Variants in CACNB2 observed in about 807,000 individuals in gnomAD.
CACNB2 encodes voltage-dependent L-type calcium channel subunit beta-2.
In CACNB2, 42 loss-of-function variants were observed where a neutral mutation model predicts 73.3. The observed-to-expected ratio is 0.57, with a 90% CI of 0.45 to 0.74. The LOEUF (loss-of-function observed/expected upper bound fraction) is 0.74. CACNB2 is among the 30% of genes least tolerant of loss of function. CACNB2 has a pLI of 0.00. For missense variants in CACNB2, 940 were observed against 853.0 expected, an observed-to-expected ratio of 1.10 and a Z score of -1.27; for synonymous variants, 348 against 310.3, an observed-to-expected ratio of 1.12 and a Z score of -1.28.
intron 1 of CACNB2, chr10:18,141,231 CGGGAGGGG>C: frequency 3.6e-6 from 1 of 274,262 alleles, no homozygotes; most frequent in Non-Finnish European, 7.3e-6. Flanking sequence ...TCCGGGTGGG[CGGGAGGGG>C]GCCCGCTTCC....
rs554156329 is a variant in CACNB2 at position 18,517,276 on chromosome 10, C to G, written c.805-1060C>G. On this transcript the variant is annotated intron_variant, in intron 7 of 13. Coordinates refer to ENST00000324631, the MANE Select transcript of CACNB2 (RefSeq NM_201596.3). The stretch of plus-strand genomic sequence containing the variant: ...TATCGCAGTGTCTAAGGCCATATCA[C>G]TCTTATGCATTTTTTTAAAAAGTCA... Among the ~76,000 whole-genome samples the G allele has an allele frequency of 7.9e-5, 12 of 152,294 alleles. No homozygotes were observed. In the South Asian group the frequency reaches 2.5e-3, roughly 32 times the overall value.
At chr10:18,510,345 C>G (rs2133096807) in intron 6 of CACNB2, among the ~76,000 whole-genome samples, 1 of 152,252 alleles carries the variant, frequency 6.6e-6, no homozygotes, top group Non-Finnish European at 1.5e-5. Flanking sequence ...CACTGTCACC[C>G]AGGCTGGAGT....
In CACNB2 at chr10:18,534,095, C is replaced by T. The variant is rs770240868; in HGVS notation, c.1074C>T (p.Ile358=). The part of the protein sequence containing the change: ...RSSLAEVQSE[I]ERIFELARTL... ...TTACAGCGGAAGTTCAGAGTGAAATCGAAAGGATTTTTGAACTTGCAAGAA... is the reference window on the plus strand; with the variant it reads ...TTACAGCGGAAGTTCAGAGTGAAATTGAAAGGATTTTTGAACTTGCAAGAA... The change falls in exon 11 of 14, where the codon ATC becomes ATT. Residue 358 remains isoleucine (I), a synonymous_variant. Coordinates refer to ENST00000324631, the MANE Select transcript of CACNB2 (RefSeq NM_201596.3). 9.9e-6 allele frequency: 16 copies of T among 1,613,894 alleles called. No homozygotes were observed. Among genetic ancestry groups the T allele is most frequent in the East Asian group, 4.5e-5 (2 of 44,868 alleles).
At chr10:18,320,675 C>T (rs117067763) in intron 2 of CACNB2, among the ~76,000 whole-genome samples, 1 of 152,052 alleles carries the variant, frequency 6.6e-6, no homozygotes, top group Non-Finnish European at 1.5e-5. Flanking sequence ...TTGTATGTAA[C>T]CCACAGGGTT....
intron 2 of CACNB2, among the ~76,000 whole-genome samples, chr10:18,338,938 C>T (rs560410829): frequency 6.6e-6 from 1 of 151,936 alleles, no homozygotes; most frequent in South Asian, 2.1e-4. Context: ...CGGGGTCTTC[C>T]TTTGTTGCCC....
intron 2 of CACNB2, among the ~76,000 whole-genome samples, chr10:18,379,424 G>A (rs150968921): frequency 2.6e-5 from 4 of 152,218 alleles, no homozygotes; most frequent in Non-Finnish European, 4.4e-5. Context: ...ATGTTGACCA[G>A]GCTGGTCTCG....
At chr10:18,231,075 C>G (rs1304271909) in intron 2 of CACNB2, among the ~76,000 whole-genome samples, 2 of 152,198 alleles carry the variant, frequency 1.3e-5, no homozygotes, top group Non-Finnish European at 2.9e-5. Context: ...AGAAGTAGCC[C>G]TGGCTAGGAA....
At chr10:18,266,900 A>G (rs1294848824) in intron 2 of CACNB2, among the ~76,000 whole-genome samples, 1 of 152,196 alleles carries the variant, frequency 6.6e-6, no homozygotes, top group Non-Finnish European at 1.5e-5. Context: ...AAATAAATAA[A>G]TAAGTATGAG....
At chr10:18,280,148 A>G (rs895372783) in intron 2 of CACNB2, among the ~76,000 whole-genome samples, 2 of 152,182 alleles carry the variant, frequency 1.3e-5, no homozygotes, top group African/African-American at 4.8e-5. Flanking sequence ...TCAAAGTAGA[A>G]TAAGTTCTAC....
In CACNB2 at chr10:18,464,742, G is replaced by A. The variant is rs78051492; in HGVS notation, c.334-33613G>A. Among the ~76,000 whole-genome samples the A allele has an allele frequency of 4.7e-4, 72 of 152,244 alleles. No individual in the cohort carries two copies. In the East Asian group the frequency reaches 0.013, roughly 28 times the overall value. ...GCTTCTGCTCTTATTCCTTTCCAAC[G>A]TGTTCAAAAAGTTAAACTGGAGAAA... On this transcript the variant is annotated intron_variant, in intron 3 of 13. Transcript: ENST00000324631.
intron 2 of CACNB2, among the ~76,000 whole-genome samples, chr10:18,153,662 A>C (rs1004816289): frequency 6.7e-6 from 1 of 149,718 alleles, no homozygotes; most frequent in African/African-American, 2.5e-5. Context: ...GCTCACTACA[A>C]CCTCTGCCTC....
intron 3 of CACNB2, among the ~76,000 whole-genome samples, chr10:18,493,205 G>C (rs1462074444): frequency 6.6e-6 from 1 of 152,198 alleles, no homozygotes; most frequent in Non-Finnish European, 1.5e-5. Flanking sequence ...GTCTCGCTCT[G>C]TTGCCCAGGC....
At position 18,216,763 on chromosome 10, in the gene CACNB2, A is replaced by G. The variant is rs2035528608; in HGVS notation, c.213+65788A>G. Among the ~76,000 whole-genome samples, 3 of 152,206 alleles carry G rather than the reference A, an allele frequency of 2.0e-5. No individual in the cohort carries two copies. The South Asian group carries it at 6.2e-4, about 32-fold the overall frequency. On this transcript the variant is annotated intron_variant, in intron 2 of 13. Transcript: ENST00000324631. ...AAAATCCATTATGTGAAATTCAGCT[A>G]TTCCTTAATCTCTCCAAATTCCAAA...
chr10:18,394,727 C>G (rs2043638637), intron 2 of CACNB2, among the ~76,000 whole-genome samples: 1 of 152,080 alleles, frequency 6.6e-6, no homozygotes. Context: ...CAGCACAGTA[C>G]CTGACACAGT....
At position 18,540,991 on chromosome 10, in the gene CACNB2, TGTGA is replaced by T. The variant is rs2054040940; in HGVS notation, c.*1271_*1274del. 1 of 152,666 alleles carries T rather than the reference TGTGA, an allele frequency of 6.6e-6. No individual in the cohort carries two copies. The highest frequency in any genetic ancestry group is 2.4e-5 in the African/African-American group (1 of 41,452). 9.5% of individuals were successfully genotyped at this position (152,666 alleles called of 1,614,324 possible). On this transcript the variant is annotated 3_prime_UTR_variant, in exon 14 of 14. Coordinates refer to ENST00000324631, the MANE Select transcript of CACNB2 (RefSeq NM_201596.3). The stretch of plus-strand genomic sequence containing the variant: ...AGAGTGAAAATACAGGCAATTTTAC[TGTGA>T]GTGTTTCACTGGAAATGTACAATCT...
At chr10:18,297,100 C>T (rs1359275147) in intron 2 of CACNB2, among the ~76,000 whole-genome samples, 3 of 152,162 alleles carry the variant, frequency 2.0e-5, no homozygotes, top group Non-Finnish European at 4.4e-5. Flanking sequence ...AACATGAATT[C>T]GGGGATTTAT....
At chr10:18,288,694 CACACACACACAG>C (rs1209954174) in intron 2 of CACNB2, among the ~76,000 whole-genome samples, 5 of 151,874 alleles carry the variant, frequency 3.3e-5, no homozygotes, top group Admixed American at 3.3e-4. Context: ...CACACACACA[CACACACACACAG>C]AGATACCCAG....
intron 3 of CACNB2, among the ~76,000 whole-genome samples, chr10:18,410,708 G>A (rs574453368): frequency 4.6e-5 from 7 of 152,050 alleles, no homozygotes; most frequent in African/African-American, 7.2e-5. Flanking sequence ...TTGGCTGGGC[G>A]CGGTGGCTCA....
In CACNB2 at chr10:18,534,175, G is replaced by A. The variant is rs770400596; in HGVS notation, c.1154G>A (p.Ser385Asn). Residue 385 changes from serine to asparagine, a missense_variant, in exon 11 of 14, where the codon AGT becomes AAT. By Grantham distance (46) the Ser-to-Asn change is conservative. Transcript: ENST00000324631. ...ACAATTAATCATCCAGCTCAACTCA[G>A]TAAAACCTCCTTGGCCCCTATTATA... is the stretch of plus-strand genomic sequence containing the variant. Reference protein sequence around the residue: ...ADTINHPAQLSKTSLAPIIVY... With the variant: ...ADTINHPAQLNKTSLAPIIVY... 6.2e-6 allele frequency: 10 copies of A among 1,613,756 alleles called. No individual in the cohort carries two copies. The highest frequency in any genetic ancestry group is 8.5e-6 in the Non-Finnish European group (10 of 1,179,690).
Sources: gnomAD v4.1 joint callset for allele counts (sites outside exome capture counted in the v4.1 genomes callset) on GRCh38, gnomAD v4.1.1 for gene constraint, MANE v1.5 for transcripts, NCBI Gene and HGNC (gene_info 2026-07-23, HGNC 2026-07-21) for gene names.